SPIRE1: variants seen among roughly 807,000 people sequenced by gnomAD.
SPIRE1 encodes the protein protein spire homolog 1.
SPIRE1 carries 40 observed loss-of-function variants against 94.1 expected under a neutral mutation model. The ratio of observed to expected loss-of-function variants is 0.43; its 90% CI spans 0.33 to 0.55. SPIRE1 has a LOEUF of 0.55. Among genes scored for constraint, SPIRE1 ranks in the 20% least tolerant of loss-of-function variants. SPIRE1 has a pLI of 0.06. For synonymous variants in SPIRE1, 376 were observed against 371.7 expected (o/e 1.01, Z -0.13); for missense variants, 838 against 975.2 (o/e 0.86, Z 1.87).
At chr18:12,452,439 A>G in intron 15 of SPIRE1, 46 bp downstream of exon 15, 1 of 1,614,156 alleles carries the variant, frequency 6.2e-7, no homozygotes, top group Non-Finnish European at 8.5e-7. Context: ...TTAAAGAGGC[A>G]GTCACTAAAA....
Position 12,449,948 on chromosome 18 carries a change from C to A in SPIRE1, c.2013-52G>T, listed in dbSNP as rs780199278. The A allele has an allele frequency of 4.5e-6, 7 of 1,548,680 alleles. 1 individual carries two copies. In the South Asian group the frequency reaches 7.2e-5, roughly 16 times the overall value. On this transcript the variant is annotated intron_variant, in intron 16 of 16. Transcript: ENST00000409402. ...AGCATTGTTACTTATAGGTCTGCTG[C>A]AATATTAAGAAAATATGTATAAAAA...
intron 4 of SPIRE1, among the ~76,000 whole-genome samples, chr18:12,527,218 C>T (rs2034548084): frequency 6.6e-6 from 1 of 152,136 alleles, no homozygotes; most frequent in Non-Finnish European, 1.5e-5. Flanking sequence ...CCTGACCTAC[C>T]TCAAGATCAA....
chr18:12,572,581 C>A (rs1369935079), intron 2 of SPIRE1, among the ~76,000 whole-genome samples: 1 of 151,986 alleles, frequency 6.6e-6, no homozygotes, highest in East Asian at 1.9e-4. Context: ...TGCACTCCAG[C>A]CAGGGTAACA....
intron 2 of SPIRE1, among the ~76,000 whole-genome samples, chr18:12,560,779 G>T (rs2035659567): frequency 1.3e-5 from 2 of 152,176 alleles, no homozygotes; most frequent in African/African-American, 4.8e-5. Context: ...TGGAATCCGG[G>T]AGGCAAAGGT....
chr18:12,650,867 AC>A (rs748389421), intron 1 of SPIRE1, among the ~76,000 whole-genome samples: 19 of 142,912 alleles, frequency 1.3e-4, no homozygotes, highest in Non-Finnish European at 2.3e-4. Context: ...ACAAAGCGAG[AC>A]CCTGTCTCAA....
intron 3 of SPIRE1, among the ~76,000 whole-genome samples, chr18:12,538,306 T>A (rs1196469383): frequency 6.6e-6 from 1 of 151,852 alleles, no homozygotes; most frequent in Non-Finnish European, 1.5e-5. Flanking sequence ...ACATCAGGGG[T>A]TAGGGGGACA....
intron 7 of SPIRE1, among the ~76,000 whole-genome samples, 169 bp from the exon 8 acceptor site, chr18:12,493,370 T>G (rs1326016922): frequency 2.6e-5 from 4 of 152,172 alleles, no homozygotes; most frequent in Non-Finnish European, 4.4e-5. Flanking sequence ...ATAGGGAGAT[T>G]ACTGGATATC....
intron 10 of SPIRE1, among the ~76,000 whole-genome samples, chr18:12,469,576 TTATA>T (rs912797726): frequency 1.4e-4 from 20 of 145,560 alleles, no homozygotes; most frequent in African/African-American, 5.0e-4. Flanking sequence ...ATTATATATA[TTATA>T]TATAGTATAT....
At chr18:12,577,411 T>G (rs1013517751) in intron 2 of SPIRE1, among the ~76,000 whole-genome samples, 1 of 152,132 alleles carries the variant, frequency 6.6e-6, no homozygotes, top group African/African-American at 2.4e-5. Context: ...CCTCCCAAAG[T>G]GCTGTGATTA....
rs150247554 is a variant in SPIRE1, at chr18:12,463,625, T to C, written c.1496-132A>G. On this transcript the variant is annotated intron_variant, in intron 11 of 16. Coordinates refer to ENST00000409402, the MANE Select transcript of SPIRE1 (RefSeq NM_001128626.2). Reference sequence around the variant, plus strand: ...TTGGAGAGATATTTTAAGATGGTAATGGTAATCCTTAGGAGTAGACTCTGA... The same window carrying C: ...TTGGAGAGATATTTTAAGATGGTAACGGTAATCCTTAGGAGTAGACTCTGA... The C allele has an allele frequency of 5.5e-4, 408 of 735,920 alleles. 1 individual carries two copies. The African/African-American group carries it at 6.4e-3, about 12-fold the overall frequency. 45.6% of individuals were successfully genotyped at this position (735,920 alleles called of 1,614,324 possible).
intron 2 of SPIRE1, among the ~76,000 whole-genome samples, chr18:12,616,870 AT>A (rs1428709132): frequency 6.6e-6 from 1 of 151,946 alleles, no homozygotes; most frequent in Non-Finnish European, 1.5e-5. Context: ...TATCATTATT[AT>A]TTTTTTTAGA....
At chr18:12,496,418 T>G (rs545144445) in intron 6 of SPIRE1, among the ~76,000 whole-genome samples, 1 of 152,216 alleles carries the variant, frequency 6.6e-6, no homozygotes, top group Non-Finnish European at 1.5e-5. Context: ...ACTTTTTACC[T>G]CTTATTTTCC....
In SPIRE1 at chr18:12,454,362, G is replaced by A. The variant is rs1489882802; in HGVS notation, c.1760C>T (p.Ala587Val). The stretch of plus-strand genomic sequence containing the variant: ...CAGCACTACCTTTCCTTTTTTCAAG[G>A]CGGTGTAGATGTCTTTATACTGTTG... ...KYQQYKDIYT[A>V]LKKGKLCFCC... Residue 587 changes from alanine (A) to valine (V), a missense_variant, in exon 13 of 17, where the codon GCC (alanine) becomes GTC (valine). Physicochemically the swap from Ala to Val is moderately conservative, Grantham distance 64 (BLOSUM62 0). Transcript: ENST00000409402. The A allele has an allele frequency of 6.2e-7, 1 of 1,613,736 alleles. No individual in the cohort carries two copies. Among genetic ancestry groups the A allele is most frequent in the Admixed American group, 1.7e-5 (1 of 59,914 alleles).
At chr18:12,485,449 A>G (rs1001560201) in intron 9 of SPIRE1, among the ~76,000 whole-genome samples, 1 of 152,226 alleles carries the variant, frequency 6.6e-6, no homozygotes, top group Non-Finnish European at 1.5e-5. Flanking sequence ...ATTCATGACT[A>G]GGCTCTATCC....
chr18:12,618,259 G>A (rs917240771), intron 2 of SPIRE1, among the ~76,000 whole-genome samples: 4 of 152,032 alleles, frequency 2.6e-5, no homozygotes, highest in South Asian at 2.1e-4. Flanking sequence ...CTGCCACTAT[G>A]CCCGGCTAAT....
intron 6 of SPIRE1, among the ~76,000 whole-genome samples, chr18:12,498,142 G>A (rs2033526075): frequency 6.6e-6 from 1 of 152,182 alleles, no homozygotes. Context: ...AATGTCTTTT[G>A]AGTATCATAC....
At chr18:12,549,926 A>G (rs1165815034) in intron 2 of SPIRE1, among the ~76,000 whole-genome samples, 1 of 152,118 alleles carries the variant, frequency 6.6e-6, no homozygotes, top group Non-Finnish European at 1.5e-5. Flanking sequence ...TCTCTGCTCA[A>G]TTACCTTGCC....
intron 2 of SPIRE1, among the ~76,000 whole-genome samples, chr18:12,555,299 A>G (rs1323544839): frequency 6.9e-6 from 1 of 145,780 alleles, no homozygotes; most frequent in Non-Finnish European, 1.5e-5. Flanking sequence ...CCAGACAAAG[A>G]CTTATCAAAA....
At chr18:12,465,734 T>G (rs1204026869) in intron 10 of SPIRE1, among the ~76,000 whole-genome samples, 1 of 152,096 alleles carries the variant, frequency 6.6e-6, no homozygotes, top group African/African-American at 2.4e-5. Flanking sequence ...GAGTGTTTGT[T>G]GAATGAATGG....
Sources: gnomAD v4.1 joint callset for allele counts (sites outside exome capture counted in the v4.1 genomes callset) on GRCh38, gnomAD v4.1.1 for gene constraint, MANE v1.5 for transcripts, NCBI Gene and HGNC (gene_info 2026-07-23, HGNC 2026-07-21) for gene names.